The following ARHGAP8 variants were observed in gnomAD, a reference collection of about 807,000 sequenced individuals.
The protein encoded by ARHGAP8 is Rho GTPase activating protein 8.
A neutral mutation model predicts 46.1 loss-of-function variants in ARHGAP8; 62 were observed. That is an observed-to-expected ratio of 1.34 (90% CI 1.10 to 1.66). The LOEUF (loss-of-function observed/expected upper bound fraction) is 1.66. Ranked by LOEUF, ARHGAP8 falls within the 40% of genes most tolerant of loss-of-function variation. The pLI is 0.00. For missense variants in ARHGAP8, 923 were observed against 568.4 expected, an observed-to-expected ratio of 1.62 and a Z score of -6.34; for synonymous variants, 375 against 243.1, an observed-to-expected ratio of 1.54 and a Z score of -5.05.
intron 3 of ARHGAP8, among the ~76,000 whole-genome samples, chr22:44,806,558 T>C (rs1208542390): frequency 2.0e-5 from 3 of 152,082 alleles, no homozygotes; most frequent in Admixed American, 6.5e-5. Context: ...ATGGAGATAA[T>C]AGTACCTGGC....
chr22:44,860,994 ACTCTC>A (rs952820085), intron 11 of ARHGAP8, among the ~76,000 whole-genome samples: 15 of 125,862 alleles, frequency 1.2e-4, no homozygotes, highest in African/African-American at 3.7e-4. Context: ...CCAAAACTAA[ACTCTC>A]CTAATTCTCT....
At chr22:44,762,535 C>G (rs1602140668) in intron 1 of ARHGAP8, among the ~76,000 whole-genome samples, 1 of 140,814 alleles carries the variant, frequency 7.1e-6, no homozygotes, top group South Asian at 2.4e-4. Context: ...TATGAACTCT[C>G]TCTCTCTCTT....
chr22:44,859,990 G>C (rs567866160), intron 11 of ARHGAP8, among the ~76,000 whole-genome samples, 156 bp downstream of exon 11: 2 of 148,386 alleles, frequency 1.3e-5, no homozygotes, highest in East Asian at 4.0e-4. Flanking sequence ...CCTCATCCAA[G>C]GCCTGGTCAG....
rs573080996 is a variant in ARHGAP8, at chr22:44,861,534, T to TG, written c.982-740dup. ...ATCCTCAACAGATCTGTGAGGGTGGTGCCTGGCCCTGCCTCCCTCCAGTTC... is the reference window on the plus strand; with the variant it reads ...ATCCTCAACAGATCTGTGAGGGTGGTGGCCTGGCCCTGCCTCCCTCCAGTTC... On this transcript the variant is annotated intron_variant, in intron 11 of 11. Transcript: ENST00000356099. Among the ~76,000 whole-genome samples the TG allele has an allele frequency of 1.4e-4, 21 of 152,298 alleles. 1 individual carries two copies. In the East Asian group the frequency reaches 2.1e-3, roughly 15 times the overall value.
At chr22:44,789,860 A>G (rs1047580879) in intron 2 of ARHGAP8, among the ~76,000 whole-genome samples, 1 of 152,152 alleles carries the variant, frequency 6.6e-6, no homozygotes, top group Non-Finnish European at 1.5e-5. Flanking sequence ...TCTGATACTA[A>G]TATAGCCAAG....
At chr22:44,830,206 T>C (rs1208658997) in intron 7 of ARHGAP8, among the ~76,000 whole-genome samples, 1 of 151,988 alleles carries the variant, frequency 6.6e-6, no homozygotes, top group Non-Finnish European at 1.5e-5. Flanking sequence ...GTATTTTTAG[T>C]AGAGACGGGG....
At chr22:44,774,346 C>T (rs971952702) in intron 1 of ARHGAP8, among the ~76,000 whole-genome samples, 3 of 152,034 alleles carry the variant, frequency 2.0e-5, no homozygotes, top group Non-Finnish European at 2.9e-5. Flanking sequence ...CTATCACTGC[C>T]GATGTCTGTG....
chr22:44,853,910 C>T (rs111532013), intron 10 of ARHGAP8, among the ~76,000 whole-genome samples: 101 of 151,556 alleles, frequency 6.7e-4, no homozygotes, highest in African/African-American at 2.3e-3. Context: ...ACCTGTAATC[C>T]CAGCTACTCG....
chr22:44,861,234 G>A (rs1461480510), intron 11 of ARHGAP8, among the ~76,000 whole-genome samples: 1 of 152,106 alleles, frequency 6.6e-6, no homozygotes, highest in East Asian at 1.9e-4. Context: ...GGCCTCTTAA[G>A]AGTGCTGGGA....
intron 2 of ARHGAP8, among the ~76,000 whole-genome samples, chr22:44,794,299 C>T (rs1220943603): frequency 5.9e-5 from 9 of 152,106 alleles, no homozygotes; most frequent in South Asian, 2.1e-4. Context: ...TTATTATTTC[C>T]GTATTGCAGA....
At chr22:44,846,628 G>A (rs567376655) in intron 8 of ARHGAP8, among the ~76,000 whole-genome samples, 4 of 152,276 alleles carry the variant, frequency 2.6e-5, no homozygotes, top group African/African-American at 7.2e-5. Flanking sequence ...GCCCTCTACC[G>A]GTTAGGTCCT....
Position 44,862,453 on chromosome 22 carries a change from C to A in ARHGAP8, c.1160C>A (p.Pro387His), listed in dbSNP as rs9614957. The change falls in exon 12 of 12, where the codon CCT becomes CAT. Residue 387 changes from proline (P) to histidine (H), a missense_variant. Physicochemically the swap from Pro to His is moderately conservative, Grantham distance 77. Coordinates refer to ENST00000356099, the MANE Select transcript of ARHGAP8 (RefSeq NM_181335.3). ...YEKIFSTPEAPGEHGLAPWEQ... is the reference protein window; with the variant it reads ...YEKIFSTPEAHGEHGLAPWEQ... ...AAGATCTTCAGCACCCCGGAGGCAC[C>A]TGGGGAGCACGGCCTGGCACCATGG... is the stretch of plus-strand genomic sequence containing the variant. 3.8e-5 allele frequency: 61 copies of A among 1,614,020 alleles called. No homozygotes were observed. Among genetic ancestry groups the A allele is most frequent in the South Asian group, 2.1e-4 (19 of 91,074 alleles).
intron 10 of ARHGAP8, among the ~76,000 whole-genome samples, chr22:44,852,467 G>A (rs769246938): frequency 1.3e-5 from 2 of 152,158 alleles, no homozygotes; most frequent in Non-Finnish European, 2.9e-5. Context: ...GATTCCTTCA[G>A]CTCAATAACA....
intron 7 of ARHGAP8, among the ~76,000 whole-genome samples, chr22:44,844,571 C>G (rs1450121823): frequency 6.6e-6 from 1 of 151,726 alleles, no homozygotes; most frequent in African/African-American, 2.4e-5. Flanking sequence ...CAAGTGAGTC[C>G]CCTGCCTCAG....
chr22:44,830,064 C>T lies in ARHGAP8; in HGVS notation c.596+4471C>T, dbSNP rs188469423. ...CCTGAGATGGCGTCTCACTCTGTCG[C>T]CCAGGCTGGAGTGCAGTGGCACGAT... On this transcript the variant is annotated intron_variant, in intron 7 of 11. Transcript: ENST00000356099. Among the ~76,000 whole-genome samples, 438 of 151,334 alleles carry T rather than the reference C, an allele frequency of 2.9e-3. 3 individuals are homozygous for T. The highest frequency in any genetic ancestry group is 0.01 in the South Asian group (49 of 4,776).
chr22:44,830,024 C>CTCTT (rs543807573), intron 7 of ARHGAP8, among the ~76,000 whole-genome samples: 2 of 142,582 alleles, frequency 1.4e-5, no homozygotes, highest in African/African-American at 5.2e-5. Flanking sequence ...TCCTCTCTCT[C>CTCTT]TTTTTTTTTT....
At chr22:44,794,714 AAATAAT>A (rs1321968337) in intron 2 of ARHGAP8, among the ~76,000 whole-genome samples, 7 of 151,384 alleles carry the variant, frequency 4.6e-5, no homozygotes, top group East Asian at 3.9e-4. Flanking sequence ...CGTCTCAGAA[AAATAAT>A]AATAATAATA....
At chr22:44,821,787 A>G (rs558039115) in intron 5 of ARHGAP8, among the ~76,000 whole-genome samples, 11 of 152,136 alleles carry the variant, frequency 7.2e-5, no homozygotes, top group African/African-American at 2.4e-4. Context: ...CTGGGGCACA[A>G]GAGGAGGGAG....
intron 2 of ARHGAP8, among the ~76,000 whole-genome samples, chr22:44,795,212 A>G (rs1386679245): frequency 6.6e-6 from 1 of 152,112 alleles, no homozygotes; most frequent in East Asian, 1.9e-4. Flanking sequence ...ATAAGTGTTT[A>G]TTGAATGAAT....
Sources: gnomAD v4.1 joint callset for allele counts (sites outside exome capture counted in the v4.1 genomes callset) on GRCh38, gnomAD v4.1.1 for gene constraint, MANE v1.5 for transcripts, NCBI Gene and HGNC (gene_info 2026-07-23, HGNC 2026-07-21) for gene names.